The following MSRA variants were observed in gnomAD, a reference collection of about 807,000 sequenced individuals.
MSRA encodes methionine sulfoxide reductase A.
A neutral mutation model predicts 31.3 loss-of-function variants in MSRA; 54 were observed. That is an observed-to-expected ratio of 1.73 (90% CI 1.39 to 2.17). The LOEUF (loss-of-function observed/expected upper bound fraction) is 2.17, where lower values mean the gene tolerates loss of function less well. Ranked by LOEUF, MSRA falls within the 30% of genes most tolerant of loss-of-function variation. MSRA has a pLI of 0.00. For missense variants in MSRA, 507 were observed against 300.9 expected (o/e 1.69, Z -5.07); for synonymous variants, 169 against 116.5 (o/e 1.45, Z -2.90).
At position 10,245,130 on chromosome 8, in the gene MSRA, A is replaced by G; in HGVS notation, c.238A>G (p.Arg80Gly). 6.2e-7 allele frequency: 1 copy of G among 1,613,412 alleles called. No individual in the cohort carries two copies. Among genetic ancestry groups the G allele is most frequent in the South Asian group, 1.1e-5 (1 of 90,966 alleles). ...FGMGCFWGAERKFWVLKGVYS... is the reference protein window; with the variant it reads ...FGMGCFWGAEGKFWVLKGVYS... ...AATGGGATGTTTCTGGGGAGCTGAA[A>G]GGAAATTCTGGGTCTTGAAAGGAGT... The change falls in exon 3 of 6, where the codon AGG becomes GGG. Residue 80 changes from arginine (R) to glycine (G), a missense_variant. Physicochemically the swap from Arg to Gly is moderately radical, Grantham distance 125 (BLOSUM62 -2). Coordinates refer to ENST00000317173, the MANE Select transcript of MSRA (RefSeq NM_012331.5).
intron 4 of MSRA, 134 bp downstream of exon 4, chr8:10,301,772 A>G (rs1250025090): frequency 2.7e-6 from 2 of 746,074 alleles, no homozygotes; most frequent in Admixed American, 2.9e-5. Flanking sequence ...ACATTTATTG[A>G]CGGAGGAGAG....
chr8:10,164,773 G>C (rs566246030), intron 1 of MSRA, among the ~76,000 whole-genome samples: 20 of 152,340 alleles, frequency 1.3e-4, no homozygotes, highest in Non-Finnish European at 2.8e-4. Flanking sequence ...GCTCAAGCCT[G>C]TAATCCCAGC....
At chr8:10,339,870 T>A (rs932131418) in intron 5 of MSRA, among the ~76,000 whole-genome samples, 2 of 152,052 alleles carry the variant, frequency 1.3e-5, no homozygotes, top group African/African-American at 4.8e-5. Flanking sequence ...GGCTGTCTGA[T>A]GACTAACGAG....
intron 4 of MSRA, among the ~76,000 whole-genome samples, chr8:10,318,809 T>C (rs1801873570): frequency 6.6e-6 from 1 of 152,180 alleles, no homozygotes; most frequent in Admixed American, 6.5e-5. Context: ...GCTTCACGCT[T>C]GAGGGTACCA....
At chr8:10,100,585 G>T (rs1299422860) in intron 1 of MSRA, among the ~76,000 whole-genome samples, 1 of 152,128 alleles carries the variant, frequency 6.6e-6, no homozygotes, top group Admixed American at 6.5e-5. Context: ...GGGAGGATGA[G>T]TAAGTAGAAA....
chr8:10,127,268 G>C (rs956081954), intron 1 of MSRA, among the ~76,000 whole-genome samples: 5 of 152,218 alleles, frequency 3.3e-5, no homozygotes, highest in Admixed American at 3.3e-4. Context: ...TCCTACTCAG[G>C]GTCATCGCCA....
chr8:10,375,094 T>A (rs531684329), intron 5 of MSRA, among the ~76,000 whole-genome samples: 1 of 152,336 alleles, frequency 6.6e-6, no homozygotes, highest in African/African-American at 2.4e-5. Flanking sequence ...CCAAAAAACC[T>A]ATTTTCTTTA....
chr8:10,417,444 A>ACACACACG (rs1808531598), intron 5 of MSRA, among the ~76,000 whole-genome samples: 3 of 151,734 alleles, frequency 2.0e-5, no homozygotes, highest in Admixed American at 2.0e-4. Flanking sequence ...ACACACACAC[A>ACACACACG]CATACGCACA....
chr8:10,410,218 C>G (rs1030600926), intron 5 of MSRA, among the ~76,000 whole-genome samples: 3 of 152,148 alleles, frequency 2.0e-5, no homozygotes, highest in African/African-American at 7.2e-5. Flanking sequence ...GGCGGGGACG[C>G]TTGGCCAGGA....
intron 5 of MSRA, among the ~76,000 whole-genome samples, chr8:10,330,874 C>G (rs1435798978): frequency 3.3e-5 from 5 of 152,134 alleles, no homozygotes; most frequent in Non-Finnish European, 7.4e-5. Flanking sequence ...CTGTGTCCCC[C>G]CAAATTCATA....
intron 1 of MSRA, among the ~76,000 whole-genome samples, chr8:10,201,956 GTTGGGA>G (rs2129057601): frequency 6.6e-6 from 1 of 152,340 alleles, no homozygotes; most frequent in East Asian, 1.9e-4. Flanking sequence ...CAACCCACCA[GTTGGGA>G]GGCACCCACT....
intron 3 of MSRA, among the ~76,000 whole-genome samples, chr8:10,298,831 C>A (rs1286295046): frequency 6.6e-6 from 1 of 152,082 alleles, no homozygotes; most frequent in Non-Finnish European, 1.5e-5. Flanking sequence ...AAGTATTCTA[C>A]CATTGTAATA....
chr8:10,293,376 C>T (rs1053257866), intron 3 of MSRA, among the ~76,000 whole-genome samples: 8 of 152,180 alleles, frequency 5.3e-5, no homozygotes, highest in Admixed American at 2.0e-4. Flanking sequence ...ATGCCCTCCC[C>T]GCCCCACAAG....
intron 1 of MSRA, among the ~76,000 whole-genome samples, chr8:10,122,820 G>A (rs1334853439): frequency 6.6e-6 from 1 of 152,114 alleles, no homozygotes; most frequent in African/African-American, 2.4e-5. Context: ...GTTTGCTAAG[G>A]ATAATATCCG....
rs144841934 is a variant in MSRA at position 10,133,082 on chromosome 8, C to T, written c.143-74751C>T. Among the ~76,000 whole-genome samples the T allele has an allele frequency of 4.6e-5, 7 of 152,254 alleles. No homozygotes were observed. In the South Asian group the frequency reaches 1.0e-3, roughly 23 times the overall value. ...CATCCAACTCTTAGGGAAGGGAGTC[C>T]GCATTGGACTTGGGTGCTCTGGGAA... On this transcript the variant is annotated intron_variant, in intron 1 of 5. Coordinates refer to ENST00000317173, the MANE Select transcript of MSRA (RefSeq NM_012331.5).
intron 5 of MSRA, among the ~76,000 whole-genome samples, chr8:10,345,957 A>G (rs1306579504): frequency 6.6e-6 from 1 of 152,168 alleles, no homozygotes; most frequent in African/African-American, 2.4e-5. Context: ...CCACTTGGAA[A>G]CCTACAGCCT....
At chr8:10,198,664 C>G (rs564888796) in intron 1 of MSRA, among the ~76,000 whole-genome samples, 21 of 152,266 alleles carry the variant, frequency 1.4e-4, no homozygotes, top group African/African-American at 5.1e-4. Context: ...TCCTCTGTCA[C>G]CCAGGCTGGA....
intron 2 of MSRA, among the ~76,000 whole-genome samples, chr8:10,209,944 T>C (rs1809326926): frequency 6.6e-6 from 1 of 152,244 alleles, no homozygotes; most frequent in Non-Finnish European, 1.5e-5. Context: ...AAGTGCAGTT[T>C]AGCTCTTCCA....
In MSRA at chr8:10,217,065, G is replaced by GTTAT. The variant is rs1221490947; in HGVS notation, c.211+9175_211+9178dup. ...TTTCTCTGTATCCTTGCCAACCCTT[G>GTTAT]TTATTTATTTATTTTTAAAAATTAT... On this transcript the variant is annotated intron_variant, in intron 2 of 5. Transcript: ENST00000317173. Among the ~76,000 whole-genome samples the GTTAT allele has an allele frequency of 6.6e-5, 10 of 152,286 alleles. No homozygotes were observed. The East Asian group carries it at 1.9e-3, about 29-fold the overall frequency.
Sources: allele counts gnomAD v4.1 joint callset (sites outside exome capture counted in the v4.1 genomes callset), GRCh38; gene constraint gnomAD v4.1.1; transcripts MANE v1.5; gene names NCBI Gene and HGNC (gene_info 2026-07-23, HGNC 2026-07-21).